Variants in CENPP observed in about 807,000 individuals in gnomAD.
CENPP encodes the protein centromere protein P.
A neutral mutation model predicts 35.6 loss-of-function variants in CENPP; 24 were observed. That is an observed-to-expected ratio of 0.67 (90% confidence interval 0.49 to 0.95). CENPP has a LOEUF of 0.95. CENPP is among the 40% of genes least tolerant of loss of function. The pLI is 0.00. For synonymous variants in CENPP, 120 were observed against 125.5 expected (o/e 0.96, Z 0.29); for missense variants, 332 against 345.3 (o/e 0.96, Z 0.31).
In CENPP at chr9:92,555,003, TTTGTTGTTGTTGTTGTTGTTG is replaced by T. The variant is rs57027847; in HGVS notation, c.565-56294_565-56274del. ...CCATCAAGGATATCGGTCTGTATTG[TTTGTTGTTGTTGTTGTTGTTG>T]TTGTTGTTGTTGTTGTGTCCTTTCC... is the stretch of plus-strand genomic sequence containing the variant. On this transcript the variant is annotated intron_variant, in intron 5 of 7. Coordinates refer to ENST00000375587, the MANE Select transcript of CENPP (RefSeq NM_001012267.3). 3.7e-3 allele frequency among the ~76,000 whole-genome samples: 555 copies of T among 149,822 alleles called. 3 individuals carry two copies. Among genetic ancestry groups the T allele is most frequent in the African/African-American group, 0.013 (525 of 40,850 alleles).
intron 5 of CENPP, among the ~76,000 whole-genome samples, chr9:92,585,022 C>CTG (rs551570232): frequency 8.2e-4 from 125 of 152,328 alleles, no homozygotes; most frequent in African/African-American, 3.0e-3. Context: ...ATACACCTAA[C>CTG]TGTAACCACA....
chr9:92,409,422 T>C (rs1278751237), intron 5 of CENPP, among the ~76,000 whole-genome samples: 1 of 152,222 alleles, frequency 6.6e-6, no homozygotes, highest in Non-Finnish European at 1.5e-5. Context: ...ATTTCTTCTA[T>C]TTTCTTTTTT....
intron 5 of CENPP, among the ~76,000 whole-genome samples, chr9:92,511,738 T>C (rs1847357728): frequency 1.3e-5 from 2 of 152,216 alleles, no homozygotes; most frequent in Non-Finnish European, 2.9e-5. Context: ...TGTTTTCAGT[T>C]ACTTGGGAAG....
chr9:92,442,435 C>G (rs891462889), intron 5 of CENPP, among the ~76,000 whole-genome samples: 9 of 148,192 alleles, frequency 6.1e-5, no homozygotes, highest in African/African-American at 2.2e-4. Flanking sequence ...AAAAAAAAAC[C>G]ACTCCATTAT....
chr9:92,520,780 A>T (rs1442028949), intron 5 of CENPP, among the ~76,000 whole-genome samples: 1 of 152,236 alleles, frequency 6.6e-6, no homozygotes, highest in African/African-American at 2.4e-5. Context: ...ATTCAGCCAT[A>T]AAAAGGAATG....
chr9:92,373,462 A>G (rs950965086), intron 4 of CENPP, among the ~76,000 whole-genome samples: 3 of 152,082 alleles, frequency 2.0e-5, no homozygotes, highest in African/African-American at 7.2e-5. Flanking sequence ...TTTATCATTC[A>G]TATCCTGAAT....
At chr9:92,603,017 T>C (rs1261022394) in intron 5 of CENPP, among the ~76,000 whole-genome samples, 1 of 152,112 alleles carries the variant, frequency 6.6e-6, no homozygotes, top group East Asian at 1.9e-4. Flanking sequence ...TCTCGATCTC[T>C]TGACCTCGTG....
intron 5 of CENPP, among the ~76,000 whole-genome samples, chr9:92,416,070 A>ATATTT (rs1843594950): frequency 7.6e-6 from 1 of 131,326 alleles, no homozygotes; most frequent in African/African-American, 2.7e-5. Context: ...ATATATATAT[A>ATATTT]TTTATTTATT....
At position 92,459,991 on chromosome 9, in the gene CENPP, GA is replaced by G. The variant is rs538095237; in HGVS notation, c.564+80136del. 2.4e-4 allele frequency among the ~76,000 whole-genome samples: 36 copies of G among 150,592 alleles called. 1 individual carries two copies. The South Asian group carries it at 7.6e-3, about 32-fold the overall frequency. ...CCTAAATTTAACAAAAGGGAAATTT[GA>G]AAAGTCATTTTCTTCTTTTCACTTG... On this transcript the variant is annotated intron_variant, in intron 5 of 7. Coordinates refer to ENST00000375587, the MANE Select transcript of CENPP (RefSeq NM_001012267.3).
In CENPP at chr9:92,516,788, A is replaced by T. The variant is rs145684366; in HGVS notation, c.565-94526A>T. 441 of 152,316 alleles carry T rather than the reference A, an allele frequency of 2.9e-3. 2 individuals are homozygous for T. Among genetic ancestry groups the T allele is most frequent in the African/African-American group, 0.01 (420 of 41,566 alleles). 9.4% of individuals were successfully genotyped at this position (152,316 alleles called of 1,614,324 possible). On this transcript the variant is annotated intron_variant, in intron 5 of 7. Coordinates refer to ENST00000375587, the MANE Select transcript of CENPP (RefSeq NM_001012267.3). ...ACACTTTTTTCCTAACTCTTTTTAA[A>T]TATTAGTGAAATATTTGGTAGTATA... is the stretch of plus-strand genomic sequence containing the variant.
At position 92,594,892 on chromosome 9, in the gene CENPP, CT is replaced by C. The variant is rs1213825480; in HGVS notation, c.565-16401del. On this transcript the variant is annotated intron_variant, in intron 5 of 7. Coordinates refer to ENST00000375587, the MANE Select transcript of CENPP (RefSeq NM_001012267.3). ...GTCCTGGATGTGAGAGGTTGCTCTT[CT>C]TTTTTTTTTTTTTTTTTTTTGAGAT... Among the ~76,000 whole-genome samples the C allele has an allele frequency of 1.1e-3, 119 of 105,100 alleles. 1 individual carries two copies. Among genetic ancestry groups the C allele is most frequent in the Non-Finnish European group, 1.5e-3 (78 of 52,996 alleles). The allele number at this position is 105,100 out of a possible 152,430, so 68.9% of individuals were successfully genotyped here. A position where few individuals can be genotyped will look rare whatever the true frequency, so the allele number is the denominator to read the frequency against.
intron 5 of CENPP, chr9:92,417,607 A>G (rs1423996685): frequency 9.7e-6 from 11 of 1,137,502 alleles, no homozygotes; most frequent in Non-Finnish European, 1.4e-5. Flanking sequence ...CATTGTGGAG[A>G]AAGTGAGTAA....
intron 5 of CENPP, among the ~76,000 whole-genome samples, chr9:92,411,721 G>A (rs1435090838): frequency 1.3e-5 from 2 of 152,170 alleles, no homozygotes; most frequent in Non-Finnish European, 1.5e-5. Flanking sequence ...GAAAAAGGAA[G>A]GGTTTTCAAT....
At chr9:92,564,047 G>A (rs1189867679) in intron 5 of CENPP, among the ~76,000 whole-genome samples, 1 of 152,158 alleles carries the variant, frequency 6.6e-6, no homozygotes, top group Non-Finnish European at 1.5e-5. Context: ...GTAATGTGGT[G>A]TATGAAGTGA....
rs565599599 is a variant in CENPP at position 92,341,798 on chromosome 9, G to C, written c.379-3901G>C. On this transcript the variant is annotated intron_variant, in intron 3 of 7. Coordinates refer to ENST00000375587, the MANE Select transcript of CENPP (RefSeq NM_001012267.3). ...GCCACACTCTGCCTCCTAACAGACA[G>C]TGTTGGCACTGACCCAGACCTCAAC... 9 of 152,388 alleles carry C rather than the reference G, an allele frequency of 5.9e-5. No individual in the cohort carries two copies. In the East Asian group the frequency reaches 1.7e-3, roughly 29 times the overall value. 9.4% of individuals were successfully genotyped at this position (152,388 alleles called of 1,614,324 possible).
intron 4 of CENPP, among the ~76,000 whole-genome samples, chr9:92,372,272 G>A (rs1842028917): frequency 6.6e-6 from 1 of 151,808 alleles, no homozygotes; most frequent in African/African-American, 2.4e-5. Context: ...TGAGTTTCTT[G>A]TAAGCAGTGT....
chr9:92,386,435 T>C (rs1259644259), intron 5 of CENPP: 3 of 594,752 alleles, frequency 5.0e-6, no homozygotes, highest in Non-Finnish European at 9.0e-6. Flanking sequence ...ATTATATCAA[T>C]TGTTCGTATG....
intron 5 of CENPP, among the ~76,000 whole-genome samples, chr9:92,567,853 A>G (rs1329168889): frequency 3.9e-5 from 6 of 152,186 alleles, no homozygotes; most frequent in Non-Finnish European, 7.3e-5. Flanking sequence ...CAGAACTTGT[A>G]CAAAAGGAAA....
Position 92,613,158 on chromosome 9 carries a change from C to T in CENPP, c.*9C>T, listed in dbSNP as rs779673299. 1 of 1,613,998 alleles carries T rather than the reference C, an allele frequency of 6.2e-7. No individual in the cohort carries two copies. The highest frequency in any genetic ancestry group is 1.3e-5 in the African/African-American group (1 of 74,920). On this transcript the variant is annotated 3_prime_UTR_variant, in exon 8 of 8. Coordinates refer to ENST00000375587, the MANE Select transcript of CENPP (RefSeq NM_001012267.3). ...CAGAGGAGAACAACTAGTTCCAAAA[C>T]AGTGAACGTGGAGGATGAAGATGCT...
Sources: allele counts gnomAD v4.1 joint callset (sites outside exome capture counted in the v4.1 genomes callset), GRCh38; gene constraint gnomAD v4.1.1; transcripts MANE v1.5; gene names NCBI Gene and HGNC (gene_info 2026-07-23, HGNC 2026-07-21).